Variants in EPB41L4A observed in about 807,000 individuals in gnomAD.
The protein encoded by EPB41L4A is erythrocyte membrane protein band 4.1 like 4A.
Under a neutral mutation model 108.6 loss-of-function variants are expected in EPB41L4A, and 100 were observed. The observed-to-expected ratio is 0.92, with a 90% CI of 0.78 to 1.09. EPB41L4A has a LOEUF of 1.09. Among genes scored for constraint, EPB41L4A ranks in the 50% least tolerant of loss-of-function variants. The pLI is 0.00. For synonymous variants in EPB41L4A, 319 were observed against 289.0 expected, an observed-to-expected ratio of 1.10 and a Z score of -1.05; for missense variants, 1,030 against 842.7, an observed-to-expected ratio of 1.22 and a Z score of -2.75.
intron 1 of EPB41L4A, among the ~76,000 whole-genome samples, chr5:112,338,767 CATTT>C (rs1561584254): frequency 6.6e-6 from 1 of 152,204 alleles, no homozygotes; most frequent in African/African-American, 2.4e-5. Flanking sequence ...ACTGCCTAAG[CATTT>C]ATTAGAACAC....
chr5:112,352,159 C>T (rs895797863), intron 1 of EPB41L4A, among the ~76,000 whole-genome samples: 2 of 152,136 alleles, frequency 1.3e-5, no homozygotes, highest in African/African-American at 4.8e-5. Context: ...TTCTTTCCTT[C>T]GACTCATTTT....
intron 2 of EPB41L4A, among the ~76,000 whole-genome samples, chr5:112,302,679 C>T (rs995536746): frequency 6.6e-6 from 1 of 152,184 alleles, no homozygotes; most frequent in South Asian, 2.1e-4. Flanking sequence ...TGAACCCATA[C>T]AGTCTGAATC....
In EPB41L4A at chr5:112,195,723, G is replaced by A. The variant is rs1580409117; in HGVS notation, c.1377-15C>T. On this transcript the variant is annotated splice_polypyrimidine_tract_variant and intron_variant, in intron 15 of 22. Transcript: ENST00000261486. ...TATGGGCTTTCCTGTGAAAACAAAT[G>A]AAGACATTTAAGAAAACAGGAGATT... is the stretch of plus-strand genomic sequence containing the variant. 2 of 1,610,300 alleles carry A rather than the reference G, an allele frequency of 1.2e-6. No individual in the cohort carries two copies. The highest frequency in any genetic ancestry group is 1.7e-6 in the Non-Finnish European group (2 of 1,178,188).
chr5:112,256,332 A>G (rs187270646), intron 9 of EPB41L4A, among the ~76,000 whole-genome samples: 84 of 152,294 alleles, frequency 5.5e-4, no homozygotes, highest in Non-Finnish European at 5.0e-4. Context: ...TACTGCTATA[A>G]CACTTAGTAC....
chr5:112,413,072 T>A (rs1762502146), intron 1 of EPB41L4A, among the ~76,000 whole-genome samples: 1 of 152,208 alleles, frequency 6.6e-6, no homozygotes. Flanking sequence ...GTTCTCAGTT[T>A]CAAGAATGGG....
In EPB41L4A at chr5:112,288,802, G is replaced by A. The variant is rs1033862944; in HGVS notation, c.205-8479C>T. Among the ~76,000 whole-genome samples the A allele has an allele frequency of 5.3e-5, 8 of 151,762 alleles. No individual in the cohort carries two copies. The South Asian group carries it at 1.7e-3, about 32-fold the overall frequency. Reference sequence around the variant, plus strand: ...GGGTTAAACTTCAGGGAAAATGTTCGAAGAGTCTGATTAGAGGAGATGATA... The same window carrying A: ...GGGTTAAACTTCAGGGAAAATGTTCAAAGAGTCTGATTAGAGGAGATGATA... On this transcript the variant is annotated intron_variant, in intron 2 of 22. Coordinates refer to ENST00000261486, the MANE Select transcript of EPB41L4A (RefSeq NM_022140.5).
intron 1 of EPB41L4A, among the ~76,000 whole-genome samples, chr5:112,356,467 A>G (rs1758365321): frequency 2.0e-5 from 3 of 152,364 alleles, no homozygotes; most frequent in South Asian, 4.1e-4. Context: ...TACCAAATGA[A>G]GTACCTTTTC....
At chr5:112,213,518 T>A (rs868361799) in intron 12 of EPB41L4A, among the ~76,000 whole-genome samples, 5 of 152,096 alleles carry the variant, frequency 3.3e-5, no homozygotes, top group Non-Finnish European at 7.4e-5. Context: ...CCGGCTAATT[T>A]TTGTATTTTT....
At chr5:112,216,166 A>C (rs911324966) in intron 12 of EPB41L4A, among the ~76,000 whole-genome samples, 1 of 152,226 alleles carries the variant, frequency 6.6e-6, no homozygotes, top group African/African-American at 2.4e-5. Context: ...AACAGAATGA[A>C]CTTTCCCAGG....
intron 1 of EPB41L4A, among the ~76,000 whole-genome samples, chr5:112,335,269 AG>A (rs576963472): frequency 2.0e-5 from 3 of 152,200 alleles, no homozygotes; most frequent in Non-Finnish European, 4.4e-5. Context: ...CAACTCACAG[AG>A]GGGATCAGTG....
chr5:112,253,472 C>G (rs545607675), intron 9 of EPB41L4A, among the ~76,000 whole-genome samples: 11 of 152,140 alleles, frequency 7.2e-5, no homozygotes, highest in African/African-American at 2.2e-4. Context: ...TATCTGAATT[C>G]TATACCATAG....
chr5:112,341,759 C>T (rs993843998), intron 1 of EPB41L4A, among the ~76,000 whole-genome samples: 2 of 151,550 alleles, frequency 1.3e-5, no homozygotes, highest in African/African-American at 4.9e-5. Context: ...TTAAAACACA[C>T]ACACACACAC....
intron 1 of EPB41L4A, among the ~76,000 whole-genome samples, chr5:112,376,646 G>A (rs1184456743): frequency 2.0e-5 from 3 of 152,150 alleles, no homozygotes; most frequent in Admixed American, 6.5e-5. Context: ...CCTTCAGCAG[G>A]TGCATGGTTA....
chr5:112,291,211 A>G lies in EPB41L4A; in HGVS notation c.205-10888T>C, dbSNP rs960165032. ...ACAAAAGCCTGCTGGGCCCTATGTTATGGGGGCCCTGCCCACCTTTCCACT... is the reference window on the plus strand; with the variant it reads ...ACAAAAGCCTGCTGGGCCCTATGTTGTGGGGGCCCTGCCCACCTTTCCACT... On this transcript the variant is annotated intron_variant, in intron 2 of 22. Transcript: ENST00000261486. Among the ~76,000 whole-genome samples, 28 of 152,130 alleles carry G rather than the reference A, an allele frequency of 1.8e-4. 1 individual carries two copies. The highest frequency in any genetic ancestry group is 6.8e-4 in the African/African-American group (28 of 41,420).
At chr5:112,419,453 C>G, upstream of EPB41L4A, 1 of 361,718 alleles carries the variant, frequency 2.8e-6, no homozygotes, top group Non-Finnish European at 5.4e-6. Context: ...CTTGGAAAAC[C>G]CTGGAAGCGC....
intron 10 of EPB41L4A, 28 bp from the exon 11 acceptor site, chr5:112,239,765 C>A: frequency 1.3e-6 from 2 of 1,536,388 alleles, no homozygotes; most frequent in African/African-American, 1.4e-5. Context: ...GAAAATCAGA[C>A]AAAGACTCAA....
At chr5:112,211,883 CTT>C (rs1167919505) in intron 12 of EPB41L4A, among the ~76,000 whole-genome samples, 1 of 152,158 alleles carries the variant, frequency 6.6e-6, no homozygotes, top group Non-Finnish European at 1.5e-5. Flanking sequence ...ATTTTGGAAT[CTT>C]GAAATGAAAA....
chr5:112,229,921 G>C (rs1417930942), intron 12 of EPB41L4A, among the ~76,000 whole-genome samples: 1 of 150,588 alleles, frequency 6.6e-6, no homozygotes, highest in Non-Finnish European at 1.5e-5. Flanking sequence ...CCAGGAGGCA[G>C]AGTTTGCAGT....
chr5:112,259,813 C>A, intron 8 of EPB41L4A, 78 bp downstream of exon 8: 1 of 1,042,636 alleles, frequency 9.6e-7, no homozygotes, highest in South Asian at 1.3e-5. Context: ...GTTTTCTTTT[C>A]CCCAACTCTT....
Sources: gnomAD v4.1 joint callset for allele counts (sites outside exome capture counted in the v4.1 genomes callset) on GRCh38, gnomAD v4.1.1 for gene constraint, MANE v1.5 for transcripts, NCBI Gene and HGNC (gene_info 2026-07-23, HGNC 2026-07-21) for gene names.